The following MOXD1 variants were observed in gnomAD, a reference collection of about 807,000 sequenced individuals.
MOXD1 encodes DBH-like monooxygenase protein 1.
In MOXD1, 62 loss-of-function variants were observed where a neutral mutation model predicts 66.6. The ratio of observed to expected loss-of-function variants is 0.93; its 90% confidence interval spans 0.76 to 1.15. The LOEUF (loss-of-function observed/expected upper bound fraction) is 1.15. Among genes scored for constraint, MOXD1 ranks in the 50% most tolerant of loss-of-function variants. The probability of loss-of-function intolerance (pLI) is 0.00; values close to 1 mark genes in which losing one functional copy is unlikely to be tolerated. For synonymous variants in MOXD1, 303 were observed against 281.9 expected (o/e 1.07, Z -0.75); for missense variants, 847 against 754.6 (o/e 1.12, Z -1.44).
chr6:132,392,426 T>A (rs1776786471), intron 1 of MOXD1: 5 of 1,337,880 alleles, frequency 3.7e-6, no homozygotes, highest in Non-Finnish European at 5.0e-6. Context: ...CTTCTCTAAT[T>A]CACACAAACT....
intron 4 of MOXD1, among the ~76,000 whole-genome samples, chr6:132,331,244 C>T (rs1236159286): frequency 1.3e-5 from 2 of 152,150 alleles, no homozygotes; most frequent in Non-Finnish European, 2.9e-5. Context: ...AATATTCAGG[C>T]ACATGTGAGA....
intron 9 of MOXD1, among the ~76,000 whole-genome samples, chr6:132,316,450 G>A (rs74488123): frequency 0.031 from 4,761 of 152,122 alleles, 116 homozygotes; most frequent in Non-Finnish European, 0.049. Flanking sequence ...CAATAAAGCC[G>A]TTTTACAAAG....
intron 4 of MOXD1, among the ~76,000 whole-genome samples, chr6:132,346,878 C>A (rs2114616949): frequency 6.6e-6 from 1 of 152,206 alleles, no homozygotes; most frequent in South Asian, 2.1e-4. Context: ...TGGCTTGAGT[C>A]TAGATTTGAG....
chr6:132,323,973 C>T lies in MOXD1; in HGVS notation c.1071G>A (p.Glu357=). ...LFHTIPPGMP[E]FQSEGHCTLE... is the part of the protein sequence containing the mutation. ...AAGTGCAGTGACCCTCAGACTGGAACTCAGGCATCCCTGGAGGGATGGTAT... is the reference window on the plus strand; with the variant it reads ...AAGTGCAGTGACCCTCAGACTGGAATTCAGGCATCCCTGGAGGGATGGTAT... Residue 357 remains glutamate (E), a synonymous_variant, in exon 7 of 12, where the codon GAG becomes GAA. Coordinates refer to ENST00000367963, the MANE Select transcript of MOXD1 (RefSeq NM_015529.4). 1 of 1,613,812 alleles carries T rather than the reference C, an allele frequency of 6.2e-7. No individual in the cohort carries two copies. Among genetic ancestry groups the T allele is most frequent in the Non-Finnish European group, 8.5e-7 (1 of 1,179,914 alleles).
intron 4 of MOXD1, among the ~76,000 whole-genome samples, chr6:132,359,071 C>T (rs1036614944): frequency 6.6e-6 from 1 of 152,054 alleles, no homozygotes; most frequent in African/African-American, 2.4e-5. Flanking sequence ...CTTGTCATTT[C>T]CACAAGAACT....
chr6:132,349,321 C>A lies in MOXD1; in HGVS notation c.664-20727G>T, dbSNP rs566099164. On this transcript the variant is annotated intron_variant, in intron 4 of 11. Coordinates refer to ENST00000367963, the MANE Select transcript of MOXD1 (RefSeq NM_015529.4). ...CAAGTGCTGATAATTCATTCCTTTT[C>A]ATGGCTTAGTAGTATTCCATCATAT... 4.7e-5 allele frequency among the ~76,000 whole-genome samples: 7 copies of A among 147,844 alleles called. No individual in the cohort carries two copies. The South Asian group carries it at 1.5e-3, about 32-fold the overall frequency.
intron 6 of MOXD1, among the ~76,000 whole-genome samples, chr6:132,326,186 T>TA (rs1176525363): frequency 6.6e-6 from 1 of 152,054 alleles, no homozygotes; most frequent in African/African-American, 2.4e-5. Flanking sequence ...AAATGATTAT[T>TA]AAAAAACTTT....
chr6:132,320,759 T>C (rs1402568510), intron 8 of MOXD1, 71 bp from the exon 9 acceptor site: 1 of 1,277,874 alleles, frequency 7.8e-7, no homozygotes, highest in African/African-American at 1.5e-5. Context: ...CATTTGTACG[T>C]CAACAGTTAA....
At chr6:132,393,246 A>G (rs1015028320) in intron 1 of MOXD1, among the ~76,000 whole-genome samples, 3 of 152,160 alleles carry the variant, frequency 2.0e-5, no homozygotes, top group Non-Finnish European at 4.4e-5. Flanking sequence ...CCAACAGAGA[A>G]AGGATGCATG....
intron 11 of MOXD1, among the ~76,000 whole-genome samples, chr6:132,297,556 G>A (rs768373183): frequency 1.3e-5 from 2 of 152,108 alleles, no homozygotes; most frequent in South Asian, 2.1e-4. Flanking sequence ...CACTCATTCC[G>A]GCCTGTTCCT....
At chr6:132,341,646 A>C (rs1293686813) in intron 4 of MOXD1, among the ~76,000 whole-genome samples, 1 of 152,190 alleles carries the variant, frequency 6.6e-6, no homozygotes, top group African/African-American at 2.4e-5. Context: ...CATATGCATG[A>C]ATTCCAGTCA....
chr6:132,388,967 G>T (rs1410200488), intron 1 of MOXD1, among the ~76,000 whole-genome samples: 1 of 151,350 alleles, frequency 6.6e-6, no homozygotes, highest in South Asian at 2.1e-4. Context: ...TGAAAGAAAG[G>T]CTCCTAGTTC....
intron 4 of MOXD1, among the ~76,000 whole-genome samples, chr6:132,356,131 AT>A (rs1775906420): frequency 1.3e-5 from 2 of 152,222 alleles, no homozygotes; most frequent in Admixed American, 1.3e-4. Context: ...TTGATACTCT[AT>A]TCTTGATCTT....
At position 132,324,041 on chromosome 6, in the gene MOXD1, C is replaced by A. The variant is rs369769336; in HGVS notation, c.1003G>T (p.Asp335Tyr). The A allele has an allele frequency of 1.9e-6, 3 of 1,613,918 alleles. No individual in the cohort carries two copies. In the African/African-American group the frequency reaches 4.0e-5, roughly 22 times the overall value. The change falls in exon 7 of 12, where the codon GAT becomes TAT. Residue 335 changes from aspartate to tyrosine, a missense_variant. By Grantham distance (160) the Asp-to-Tyr change is radical. Transcript: ENST00000367963. The part of the protein sequence containing the change: ...LFYTMDIRKY[D>Y]AGVIEAGLWV... ...AGGCCAGCCTCAATCACCCCAGCAT[C>A]ATATTTCCTTATATCCATTGTGTAA...
chr6:132,345,434 A>T (rs939739355), intron 4 of MOXD1, among the ~76,000 whole-genome samples: 5 of 152,200 alleles, frequency 3.3e-5, no homozygotes, highest in Non-Finnish European at 5.9e-5. Flanking sequence ...AAAAAAGAAT[A>T]GAAAAGAAAA....
chr6:132,323,978 G>A lies in MOXD1; in HGVS notation c.1066C>T (p.Pro356Ser), dbSNP rs541098584. ...SLFHTIPPGM[P>S]EFQSEGHCTL... ...CAGTGACCCTCAGACTGGAACTCAG[G>A]CATCCCTGGAGGGATGGTATGGAAG... The change falls in exon 7 of 12, where the codon CCT (proline) becomes TCT (serine). Residue 356 changes from proline to serine, a missense_variant. Physicochemically the swap from Pro to Ser is moderately conservative, Grantham distance 74. Transcript: ENST00000367963. 1 of 1,613,542 alleles carries A rather than the reference G, an allele frequency of 6.2e-7. No individual in the cohort carries two copies. Among genetic ancestry groups the A allele is most frequent in the South Asian group, 1.1e-5 (1 of 90,950 alleles).
chr6:132,340,827 T>C (rs1051629210), intron 4 of MOXD1, among the ~76,000 whole-genome samples: 1 of 151,836 alleles, frequency 6.6e-6, no homozygotes, highest in African/African-American at 2.4e-5. Context: ...TTTGTATTTT[T>C]AGTAGAGACG....
intron 4 of MOXD1, among the ~76,000 whole-genome samples, chr6:132,361,379 C>T (rs1450264356): frequency 1.3e-5 from 2 of 151,274 alleles, no homozygotes; most frequent in African/African-American, 4.9e-5. Context: ...CCATAAACTG[C>T]TTAACTCTTC....
At position 132,297,013 on chromosome 6, in the gene MOXD1, GA is replaced by G; in HGVS notation, c.*139del. The G allele has an allele frequency of 1.3e-6, 1 of 749,580 alleles. No individual in the cohort carries two copies. 46.4% of individuals were successfully genotyped at this position (749,580 alleles called of 1,614,324 possible). A position where few individuals can be genotyped will look rare whatever the true frequency, so the allele number is the denominator to read the frequency against. ...TGATTGATGTCTCTCATGTAACATG[GA>G]AAGGAAAAAGGAGGGAGGGAAAATG... is the stretch of plus-strand genomic sequence containing the variant. On this transcript the variant is annotated 3_prime_UTR_variant, in exon 12 of 12. Transcript: ENST00000367963.
Sources: allele counts gnomAD v4.1 joint callset (sites outside exome capture counted in the v4.1 genomes callset), GRCh38; gene constraint gnomAD v4.1.1; transcripts MANE v1.5; gene names NCBI Gene and HGNC (gene_info 2026-07-23, HGNC 2026-07-21).